Variants in CLNK observed in about 807,000 individuals in gnomAD.
The protein encoded by CLNK is cytokine dependent hematopoietic cell linker, also known as cytokine-dependent hematopoietic cell linker.
Under a neutral mutation model 68.6 loss-of-function variants are expected in CLNK, and 74 were observed. The observed-to-expected ratio is 1.08, with a 90% CI of 0.89 to 1.31. The LOEUF (loss-of-function observed/expected upper bound fraction) is 1.31. Ranked by LOEUF, CLNK falls within the 50% of genes most tolerant of loss-of-function variation. The probability of loss-of-function intolerance (pLI) is 0.00; values close to 1 mark genes in which losing one functional copy is unlikely to be tolerated. For missense variants in CLNK, 553 were observed against 515.3 expected (o/e 1.07, Z -0.71); for synonymous variants, 198 against 172.2 (o/e 1.15, Z -1.17).
the CLNK span, among the ~76,000 whole-genome samples, chr4:10,690,387 C>T: frequency 6.6e-6 from 1 of 152,220 alleles, no homozygotes; most frequent in East Asian, 1.9e-4. Context: ...ATTTCCTAGC[C>T]TCGTTTTGTT....
chr4:10,724,864 G>C, the CLNK span, among the ~76,000 whole-genome samples: 2 of 152,202 alleles, frequency 1.3e-5, no homozygotes. Context: ...GCAGACCTCA[G>C]AGGAGGCTTA....
chr4:10,608,541 G>A (rs867534111), intron 2 of CLNK, among the ~76,000 whole-genome samples: 8 of 152,116 alleles, frequency 5.3e-5, no homozygotes, highest in Admixed American at 1.3e-4. Flanking sequence ...CCCCAGCTTC[G>A]TCTCGAACCT....
At chr4:10,578,579 CTTTTTTTTTT>C (rs5856062) in intron 4 of CLNK, among the ~76,000 whole-genome samples, 1 of 44,892 alleles carries the variant, frequency 2.2e-5, no homozygotes, top group Non-Finnish European at 3.9e-5. Flanking sequence ...CTTACCTTAT[CTTTTTTTTTT>C]TTTTTTTTTT....
At chr4:10,507,814 T>C in intron 17 of CLNK, 145 bp downstream of exon 17, 2 of 644,198 alleles carry the variant, frequency 3.1e-6, no homozygotes, top group Non-Finnish European at 5.3e-6. Flanking sequence ...CCTTTTCGAC[T>C]ACAGCCTCCC....
intron 2 of CLNK, among the ~76,000 whole-genome samples, chr4:10,617,518 C>G (rs1278914806): frequency 6.6e-6 from 1 of 152,216 alleles, no homozygotes; most frequent in African/African-American, 2.4e-5. Flanking sequence ...ATTTCTACTT[C>G]TGTCATTTTC....
intron 8 of CLNK, among the ~76,000 whole-genome samples, chr4:10,557,210 G>A (rs1719709529): frequency 6.6e-6 from 1 of 152,060 alleles, no homozygotes; most frequent in Non-Finnish European, 1.5e-5. Flanking sequence ...TTTTCACTGC[G>A]CTGGCACTTC....
At chr4:10,615,667 C>G (rs555567571) in intron 2 of CLNK, among the ~76,000 whole-genome samples, 1 of 152,318 alleles carries the variant, frequency 6.6e-6, no homozygotes, top group African/African-American at 2.4e-5. Flanking sequence ...CTCATAGTTT[C>G]TGAGTAAGTA....
intron 2 of CLNK, among the ~76,000 whole-genome samples, chr4:10,647,397 C>T (rs1317421161): frequency 6.6e-6 from 1 of 152,098 alleles, no homozygotes; most frequent in Non-Finnish European, 1.5e-5. Context: ...TCTTTGAAGA[C>T]TGGGAAATAG....
At chr4:10,495,468 G>C (rs1381101042) in intron 18 of CLNK, among the ~76,000 whole-genome samples, 2 of 152,126 alleles carry the variant, frequency 1.3e-5, no homozygotes, top group Admixed American at 1.3e-4. Flanking sequence ...CTCTTTCTGT[G>C]TTCCCAGAAT....
the CLNK span, among the ~76,000 whole-genome samples, chr4:10,729,889 T>C: frequency 6.6e-6 from 1 of 152,240 alleles, no homozygotes. Flanking sequence ...AAGATGCATG[T>C]TGGAAATTTT....
chr4:10,565,904 CG>C (rs1720089194), intron 6 of CLNK, 104 bp downstream of exon 6: 2 of 1,258,386 alleles, frequency 1.6e-6, no homozygotes, highest in East Asian at 5.1e-5. Flanking sequence ...TGGGGGCAGA[CG>C]TTAACCTAGG....
intron 2 of CLNK, among the ~76,000 whole-genome samples, chr4:10,631,192 G>T (rs1722877074): frequency 6.6e-6 from 1 of 152,164 alleles, no homozygotes; most frequent in Non-Finnish European, 1.5e-5. Context: ...AGCTCTACAG[G>T]TTCTAGGCAG....
intron 13 of CLNK, among the ~76,000 whole-genome samples, chr4:10,526,262 A>T (rs1399762854): frequency 6.6e-6 from 1 of 152,182 alleles, no homozygotes; most frequent in Non-Finnish European, 1.5e-5. Flanking sequence ...TCATTCATTC[A>T]TTCATTTATA....
intron 2 of CLNK, among the ~76,000 whole-genome samples, chr4:10,629,652 G>T (rs1369116897): frequency 6.6e-6 from 1 of 152,116 alleles, no homozygotes; most frequent in Non-Finnish European, 1.5e-5. Flanking sequence ...ACCACATGGT[G>T]AGGTCAGCCC....
rs572330675 is a variant in CLNK, at chr4:10,489,804, C to G, written c.*663G>C. 2 of 145,218 alleles carry G rather than the reference C, an allele frequency of 1.4e-5. No individual in the cohort carries two copies. Among genetic ancestry groups the G allele is most frequent in the African/African-American group, 5.1e-5 (2 of 39,334 alleles). The allele number at this position is 145,218 out of a possible 1,614,324, so 9.0% of individuals were successfully genotyped here. A position where few individuals can be genotyped will look rare whatever the true frequency, so the allele number is the denominator to read the frequency against. Reference sequence around the variant, plus strand: ...GCCTCAGCCTCCCGAGTAGCTGGGACTACAGGCACCCACCACCACGCCCAG... The same window carrying G: ...GCCTCAGCCTCCCGAGTAGCTGGGAGTACAGGCACCCACCACCACGCCCAG... On this transcript the variant is annotated 3_prime_UTR_variant, in exon 19 of 19. Transcript: ENST00000226951.
chr4:10,605,232 TTC>T (rs150754370), intron 2 of CLNK, among the ~76,000 whole-genome samples: 4 of 151,254 alleles, frequency 2.6e-5, no homozygotes, highest in Non-Finnish European at 4.4e-5. Context: ...CTCTCTTGCT[TTC>T]TCTCTCTCTC....
At position 10,493,383 on chromosome 4, in the gene CLNK, C is replaced by T. The variant is rs572689084; in HGVS notation, c.1141-2770G>A. Among the ~76,000 whole-genome samples, 4 of 152,262 alleles carry T rather than the reference C, an allele frequency of 2.6e-5. No individual in the cohort carries two copies. In the South Asian group the frequency reaches 8.3e-4, roughly 32 times the overall value. The stretch of plus-strand genomic sequence containing the variant: ...TTAGAAACAGCAGAAATGTATGTCT[C>T]ACTTTCTGGAGTCTGGGGAGTCCAA... On this transcript the variant is annotated intron_variant, in intron 18 of 18. Coordinates refer to ENST00000226951, the MANE Select transcript of CLNK (RefSeq NM_052964.4).
Position 10,525,142 on chromosome 4 carries a change from G to A in CLNK, c.731+699C>T, listed in dbSNP as rs1718252588. Reference sequence around the variant, plus strand: ...TGCAGTGGCGCCATCTTGGCTCACTGCTAGCTCTGCCTCCCGGGTTCACGC... The same window carrying A: ...TGCAGTGGCGCCATCTTGGCTCACTACTAGCTCTGCCTCCCGGGTTCACGC... On this transcript the variant is annotated intron_variant, in intron 14 of 18. Coordinates refer to ENST00000226951, the MANE Select transcript of CLNK (RefSeq NM_052964.4). 1.3e-5 allele frequency among the ~76,000 whole-genome samples: 2 copies of A among 152,182 alleles called. 1 individual carries two copies. Among genetic ancestry groups the A allele is most frequent in the South Asian group, 4.1e-4 (2 of 4,826 alleles).
At chr4:10,694,035 A>T in the CLNK span, among the ~76,000 whole-genome samples, 1 of 152,006 alleles carries the variant, frequency 6.6e-6, no homozygotes, top group Non-Finnish European at 1.5e-5. Context: ...TCTTCTGGAG[A>T]TGGTGTACCA....
Sources: allele counts gnomAD v4.1 joint callset (sites outside exome capture counted in the v4.1 genomes callset), GRCh38; gene constraint gnomAD v4.1.1; transcripts MANE v1.5; gene names NCBI Gene and HGNC (gene_info 2026-07-23, HGNC 2026-07-21).